DGLUCY: variants seen among roughly 807,000 people sequenced by gnomAD.
DGLUCY encodes D-glutamate cyclase.
Under a neutral mutation model 58.5 loss-of-function variants are expected in DGLUCY, and 58 were observed. The observed-to-expected ratio is 0.99, with a 90% CI of 0.80 to 1.23. DGLUCY has a LOEUF of 1.23. DGLUCY is among the 50% of genes most tolerant of loss of function. DGLUCY has a pLI of 0.00. For synonymous variants in DGLUCY, 325 were observed against 314.1 expected (o/e 1.03, Z -0.37); for missense variants, 779 against 784.7 (o/e 0.99, Z 0.09).
chr14:91,214,810 G>T (rs757742263), intron 12 of DGLUCY, among the ~76,000 whole-genome samples: 1 of 151,946 alleles, frequency 6.6e-6, no homozygotes, highest in Non-Finnish European at 1.5e-5. Context: ...AGCTATGGTC[G>T]TGCTAGCCTG....
At chr14:91,224,662 T>C in intron 13 of DGLUCY, 22 bp from the exon 14 acceptor site, 1 of 1,582,316 alleles carries the variant, frequency 6.3e-7, no homozygotes, top group Non-Finnish European at 8.6e-7. Context: ...ACTCCTTCTA[T>C]TTCTGCCCTA....
In DGLUCY at chr14:91,173,440, G is replaced by C. The variant is rs768519537; in HGVS notation, c.607+1G>C. ...CAACCTGTTCACATGGGCGACCCAG[G>C]TCAGTGTCTCTCGCTCCTGCCCATG... On this transcript the variant is annotated splice_donor_variant, in intron 6 of 13. Transcript: ENST00000256324. LOFTEE classifies it high-confidence loss of function. 6.3e-7 allele frequency: 1 copy of C among 1,597,178 alleles called. No individual in the cohort carries two copies. The highest frequency in any genetic ancestry group is 8.5e-7 in the Non-Finnish European group (1 of 1,173,796).
At chr14:91,164,834 A>G (rs976993461) in intron 3 of DGLUCY, among the ~76,000 whole-genome samples, 10 of 151,696 alleles carry the variant, frequency 6.6e-5, no homozygotes, top group African/African-American at 2.2e-4. Flanking sequence ...TGCTGTAACC[A>G]CTCCCTGGCA....
At chr14:91,165,378 G>C in intron 3 of DGLUCY, 1 of 422,740 alleles carries the variant, frequency 2.4e-6, no homozygotes, top group South Asian at 1.7e-5. Flanking sequence ...GGGAAGCTGA[G>C]GCTGAGACAT....
chr14:91,224,789 G>T lies in DGLUCY; in HGVS notation c.1822G>T (p.Glu608Ter). 6.2e-7 allele frequency: 1 copy of T among 1,613,612 alleles called. No individual in the cohort carries two copies. Among genetic ancestry groups the T allele is most frequent in the South Asian group, 1.1e-5 (1 of 91,010 alleles). The change falls in exon 14 of 14, where the codon GAG becomes TAG. Residue 608 changes from glutamate to a stop codon, truncating the protein, a stop_gained. Transcript: ENST00000256324. LOFTEE classifies it high-confidence loss of function. ...DGLPFHNTHA[E>*]MIQKLVDVTT... is the part of the protein sequence containing the mutation. ...GCTGCCCTTCCACAACACCCACGCC[G>T]AGATGATCCAGAAGCTGGTGGACGT...
chr14:91,202,012 G>A (rs1383411675), intron 11 of DGLUCY, among the ~76,000 whole-genome samples: 2 of 150,436 alleles, frequency 1.3e-5, no homozygotes, highest in East Asian at 1.9e-4. Context: ...CCAAGATCGC[G>A]CCACTGCACT....
At chr14:91,184,260 G>A (rs1339700685) in intron 8 of DGLUCY, among the ~76,000 whole-genome samples, 2 of 151,930 alleles carry the variant, frequency 1.3e-5, no homozygotes, top group Non-Finnish European at 2.9e-5. Flanking sequence ...GCACTGTCAC[G>A]AATCTGACAG....
intron 1 of DGLUCY, among the ~76,000 whole-genome samples, chr14:91,146,948 ACT>A (rs2047045325): frequency 6.6e-6 from 1 of 150,954 alleles, no homozygotes; most frequent in African/African-American, 2.4e-5. Flanking sequence ...GAGCCCAGGG[ACT>A]CTGCTTCCTG....
In DGLUCY at chr14:91,215,460, A is replaced by G. The variant is rs113735532; in HGVS notation, c.1620A>G (p.Ser540=). The change falls in exon 13 of 14, where the codon TCA becomes TCG. Residue 540 remains serine (S), a synonymous_variant. Transcript: ENST00000256324. ...CCTGCGCACTCTACATCCTGTACTCATGTGCTGTCCACAGTCAGTACCTGA... is the reference window on the plus strand; with the variant it reads ...CCTGCGCACTCTACATCCTGTACTCGTGTGCTGTCCACAGTCAGTACCTGA... ...ALACALYILY[S]CAVHSQYLRK... is the part of the protein sequence containing the mutation. The G allele has an allele frequency of 1.2e-6, 2 of 1,614,182 alleles. No individual in the cohort carries two copies. The highest frequency in any genetic ancestry group is 1.3e-5 in the African/African-American group (1 of 75,044).
At chr14:91,112,104 C>T (rs1177695581), upstream of DGLUCY, among the ~76,000 whole-genome samples, 2 of 151,870 alleles carry the variant, frequency 1.3e-5, no homozygotes, top group African/African-American at 4.8e-5. Flanking sequence ...ACAAAATTAG[C>T]TGAGTGTGGT....
At position 91,185,809 on chromosome 14, in the gene DGLUCY, G is replaced by C. The variant is rs80133030; in HGVS notation, c.935-3101G>C. Among the ~76,000 whole-genome samples the C allele has an allele frequency of 3.2e-3, 488 of 152,214 alleles. 5 individuals carry two copies. Among genetic ancestry groups the C allele is most frequent in the African/African-American group, 0.011 (476 of 41,534 alleles). ...TCAGCCACAAACACCACCCATCAATGCTGTGCAGACTGCAAGACAAAGCTT... is the reference window on the plus strand; with the variant it reads ...TCAGCCACAAACACCACCCATCAATCCTGTGCAGACTGCAAGACAAAGCTT... On this transcript the variant is annotated intron_variant, in intron 8 of 13. Coordinates refer to ENST00000256324, the MANE Select transcript of DGLUCY (RefSeq NM_001102368.3).
In DGLUCY at chr14:91,127,135, C is replaced by T. The variant is rs1265671079; in HGVS notation, c.-82+12852C>T. On this transcript the variant is annotated intron_variant, in intron 1 of 13. Transcript: ENST00000256324. Reference sequence around the variant, plus strand: ...GCAGTGGCACAAGTATGGCTCACTACAGCCTCAACCTCCCAATCTCAAGCC... The same window carrying T: ...GCAGTGGCACAAGTATGGCTCACTATAGCCTCAACCTCCCAATCTCAAGCC... Among the ~76,000 whole-genome samples the T allele has an allele frequency of 2.8e-5, 4 of 143,076 alleles. No homozygotes were observed. The South Asian group carries it at 6.6e-4, about 24-fold the overall frequency. 93.9% of individuals were successfully genotyped at this position (143,076 alleles called of 152,430 possible).
intron 1 of DGLUCY, among the ~76,000 whole-genome samples, chr14:91,146,635 G>A (rs150641970): frequency 7.5e-4 from 114 of 152,216 alleles, no homozygotes; most frequent in African/African-American, 2.6e-3. Flanking sequence ...CACACACATT[G>A]TCCCCAAGAC....
Position 91,160,383 on chromosome 14 carries a change from C to T in DGLUCY, c.89C>T (p.Ser30Phe), listed in dbSNP as rs771038643. ...AAGAAACCAAACATCAGAAATACAT[C>T]CAGCATGGCTGGAGGTAAGTGGTGC... ...LQKKPNIRNT[S>F]SMAGELRPAS... The change falls in exon 3 of 14, where the codon TCC (serine) becomes TTC (phenylalanine). Residue 30 changes from serine to phenylalanine, a missense_variant. Ser to Phe is a radical substitution (Grantham distance 155). Coordinates refer to ENST00000256324, the MANE Select transcript of DGLUCY (RefSeq NM_001102368.3). The T allele has an allele frequency of 6.7e-7, 1 of 1,503,312 alleles. No individual in the cohort carries two copies. The highest frequency in any genetic ancestry group is 9.2e-7 in the Non-Finnish European group (1 of 1,090,490). 93.1% of individuals were successfully genotyped at this position (1,503,312 alleles called of 1,614,324 possible). A position where few individuals can be genotyped will look rare whatever the true frequency, so the allele number is the denominator to read the frequency against.
In DGLUCY at chr14:91,175,986, G is replaced by A; in HGVS notation, c.660G>A (p.Val220=). 1 of 1,614,128 alleles carries A rather than the reference G, an allele frequency of 6.2e-7. No individual in the cohort carries two copies. The highest frequency in any genetic ancestry group is 8.5e-7 in the Non-Finnish European group (1 of 1,179,984). ...LSKPAYGDAM[V]CPPGEVPVFW... ...AACCTGCCTACGGGGATGCCATGGT[G>A]TGTCCCCCAGGGGAGGTTCCAGTGT... Residue 220 remains valine, a synonymous_variant, in exon 7 of 14, where the codon GTG becomes GTA. Transcript: ENST00000256324.
intron 3 of DGLUCY, among the ~76,000 whole-genome samples, chr14:91,162,906 A>C (rs1276060188): frequency 6.6e-6 from 1 of 150,640 alleles, no homozygotes; most frequent in Non-Finnish European, 1.5e-5. Flanking sequence ...TCAAGAAAAA[A>C]AAAAAAAAAG....
chr14:91,165,002 G>A (rs1189274155), intron 3 of DGLUCY, among the ~76,000 whole-genome samples: 1 of 152,216 alleles, frequency 6.6e-6, no homozygotes, highest in Non-Finnish European at 1.5e-5. Context: ...AAAAACCTTA[G>A]ATGCCTACCT....
At position 91,224,846 on chromosome 14, in the gene DGLUCY, CG is replaced by C; in HGVS notation, c.*14del. 6.3e-7 allele frequency: 1 copy of C among 1,594,362 alleles called. No individual in the cohort carries two copies. The highest frequency in any genetic ancestry group is 2.3e-5 in the East Asian group (1 of 44,240). ...GGCACAGGTGTAACCGTCCATGTTC[CG>C]TGTGAGCAGAGTCCCTACCAACGGG... On this transcript the variant is annotated 3_prime_UTR_variant, in exon 14 of 14. Transcript: ENST00000256324.
chr14:91,216,817 A>G (rs955709135), intron 13 of DGLUCY, among the ~76,000 whole-genome samples: 2 of 152,162 alleles, frequency 1.3e-5, no homozygotes, highest in African/African-American at 4.8e-5. Context: ...AGTTCTAGGT[A>G]CACTCTGTAG....
Sources: allele counts gnomAD v4.1 joint callset (sites outside exome capture counted in the v4.1 genomes callset), GRCh38; gene constraint gnomAD v4.1.1; transcripts MANE v1.5; gene names NCBI Gene and HGNC (gene_info 2026-07-23, HGNC 2026-07-21).